CREM: variants seen among roughly 807,000 people sequenced by gnomAD.
The protein encoded by CREM is cAMP responsive element modulator.
A neutral mutation model predicts 37.3 loss-of-function variants in CREM; 13 were observed. The observed-to-expected ratio is 0.35, with a 90% confidence interval of 0.23 to 0.55. CREM has a LOEUF of 0.55. Among genes scored for constraint, CREM ranks in the 20% least tolerant of loss-of-function variants. CREM has a pLI of 0.88. For synonymous variants in CREM, 124 were observed against 120.2 expected (o/e 1.03, Z -0.21); for missense variants, 296 against 362.3 (o/e 0.82, Z 1.49).
intron 5 of CREM, among the ~76,000 whole-genome samples, chr10:35,187,176 TTA>T (rs2094666857): frequency 4.4e-5 from 2 of 45,080 alleles, no homozygotes; most frequent in East Asian, 5.3e-4. Context: ...TATATTAATA[TTA>T]ATATATAAAT....
intron 7 of CREM, among the ~76,000 whole-genome samples, chr10:35,210,085 T>C (rs2095631585): frequency 4.0e-5 from 6 of 151,744 alleles, no homozygotes; most frequent in Admixed American, 1.3e-4. Context: ...AAAAAAATCA[T>C]GTATACATCA....
intron 6 of CREM, among the ~76,000 whole-genome samples, chr10:35,198,807 G>A (rs1052197841): frequency 6.6e-6 from 1 of 152,218 alleles, no homozygotes; most frequent in Non-Finnish European, 1.5e-5. Flanking sequence ...TCACCTTTGT[G>A]AAAGGAGGCT....
At chr10:35,191,350 C>T (rs1049195982) in intron 6 of CREM, among the ~76,000 whole-genome samples, 16 of 152,122 alleles carry the variant, frequency 1.1e-4, no homozygotes, top group Admixed American at 3.3e-4. Context: ...CTTTGTGATT[C>T]GGTCTGTGAT....
At chr10:35,202,628 A>G (rs1027199804) in intron 6 of CREM, among the ~76,000 whole-genome samples, 1 of 152,202 alleles carries the variant, frequency 6.6e-6, no homozygotes, top group African/African-American at 2.4e-5. Context: ...TTGTCCATCG[A>G]CCATTAGAAG....
intron 1 of CREM, among the ~76,000 whole-genome samples, chr10:35,135,208 T>A (rs2090242600): frequency 6.6e-6 from 1 of 152,186 alleles, no homozygotes; most frequent in Admixed American, 6.5e-5. Context: ...GAGAAATCCA[T>A]AACCAGGCAA....
At chr10:35,146,987 T>C (rs899096054) in intron 2 of CREM, among the ~76,000 whole-genome samples, 3 of 151,908 alleles carry the variant, frequency 2.0e-5, no homozygotes, top group Admixed American at 6.6e-5. Context: ...CATTGTATTA[T>C]TGACAGCTGA....
At chr10:35,177,219 T>C in intron 3 of CREM, among the ~76,000 whole-genome samples, 1 of 152,152 alleles carries the variant, frequency 6.6e-6, no homozygotes, top group Non-Finnish European at 1.5e-5. Flanking sequence ...CATTAAAAGC[T>C]TGATTATCTT....
chr10:35,181,590 A>T (rs567177728), intron 5 of CREM, among the ~76,000 whole-genome samples: 1 of 152,120 alleles, frequency 6.6e-6, no homozygotes, highest in Non-Finnish European at 1.5e-5. Flanking sequence ...ATTAGATCTT[A>T]GGCCAGGTGT....
At position 35,192,312 on chromosome 10, in the gene CREM, A is replaced by G. The variant is rs117213604; in HGVS notation, c.598+3924A>G. On this transcript the variant is annotated intron_variant, in intron 6 of 7. Transcript: ENST00000685392. ...TAAAAACAGCAGTTTCTTGCCCCCA[A>G]CATCTCCATTACTGCATTGCACTTG... 4.2e-4 allele frequency among the ~76,000 whole-genome samples: 64 copies of G among 152,222 alleles called. No individual in the cohort carries two copies. The East Asian group carries it at 8.1e-3, about 19-fold the overall frequency.
intron 3 of CREM, among the ~76,000 whole-genome samples, chr10:35,170,455 G>T (rs371227519): frequency 1.3e-5 from 2 of 152,152 alleles, no homozygotes; most frequent in African/African-American, 4.8e-5. Flanking sequence ...CTATTGATTG[G>T]AATAGTTTCA....
intron 1 of CREM, among the ~76,000 whole-genome samples, chr10:35,137,065 C>G (rs2090648483): frequency 6.6e-6 from 1 of 152,326 alleles, no homozygotes; most frequent in Non-Finnish European, 1.5e-5. Context: ...CCTGCTACCT[C>G]AGCCTCCCGC....
intron 2 of CREM, among the ~76,000 whole-genome samples, chr10:35,143,988 A>G (rs926505333): frequency 3.3e-5 from 5 of 152,272 alleles, no homozygotes; most frequent in African/African-American, 1.2e-4. Flanking sequence ...AAGATGAAAT[A>G]TGGAAGGAGC....
chr10:35,175,275 T>C (rs536169341), intron 3 of CREM, among the ~76,000 whole-genome samples: 96 of 152,110 alleles, frequency 6.3e-4, no homozygotes, highest in Middle Eastern at 3.4e-3. Flanking sequence ...TGAAACCCCG[T>C]CTCTACTAAA....
At chr10:35,196,044 C>T in intron 6 of CREM, 2 of 1,613,796 alleles carry the variant, frequency 1.2e-6, no homozygotes, top group Non-Finnish European at 1.7e-6. Context: ...GAGGGAAACA[C>T]GTCATGAAAC....
At chr10:35,127,378 A>T (rs1485944615) in intron 1 of CREM, 185 bp downstream of exon 1, 1 of 151,776 alleles carries the variant, frequency 6.6e-6, no homozygotes, top group Non-Finnish European at 1.5e-5. Flanking sequence ...CCGCGAGTTC[A>T]CCTGACGCGG....
At chr10:35,208,288 C>G (rs560401147) in intron 7 of CREM, among the ~76,000 whole-genome samples, 2 of 152,260 alleles carry the variant, frequency 1.3e-5, no homozygotes, top group African/African-American at 4.8e-5. Flanking sequence ...TTCCAGTCAG[C>G]TCTCATTTTC....
intron 3 of CREM, among the ~76,000 whole-genome samples, chr10:35,158,966 A>G (rs987397700): frequency 2.6e-5 from 4 of 151,946 alleles, no homozygotes; most frequent in African/African-American, 4.8e-5. Context: ...TCTTAGATCT[A>G]ATTAAACAAA....
At chr10:35,211,046 G>A (rs2095654426) in intron 7 of CREM, among the ~76,000 whole-genome samples, 1 of 152,202 alleles carries the variant, frequency 6.6e-6, no homozygotes, top group Non-Finnish European at 1.5e-5. Context: ...TGTGATGAAT[G>A]CTGGGCGAAC....
At chr10:35,151,428 C>T (rs576459785) in intron 3 of CREM, among the ~76,000 whole-genome samples, 92 of 152,266 alleles carry the variant, frequency 6.0e-4, no homozygotes, top group East Asian at 3.9e-4. Context: ...GGTGCAATCT[C>T]GGCTCACTGC....
Sources: gnomAD v4.1 joint callset for allele counts (sites outside exome capture counted in the v4.1 genomes callset) on GRCh38, gnomAD v4.1.1 for gene constraint, MANE v1.5 for transcripts, NCBI Gene and HGNC (gene_info 2026-07-23, HGNC 2026-07-21) for gene names.